The following GAN variants were observed in gnomAD, a reference collection of about 807,000 sequenced individuals.
The protein encoded by GAN is epididymis secretory sperm binding protein.
GAN carries 48 observed loss-of-function variants against 71.3 expected under a neutral mutation model. The ratio of observed to expected loss-of-function variants is 0.67; its 90% confidence interval spans 0.53 to 0.86. The LOEUF is 0.86. GAN is among the 40% of genes least tolerant of loss of function. The pLI is 0.00. For synonymous variants in GAN, 386 were observed against 276.8 expected (o/e 1.39, Z -3.92); for missense variants, 928 against 770.1 (o/e 1.21, Z -2.43).
chr16:81,371,744 C>T (rs1022677851), intron 9 of GAN: 3 of 152,182 alleles, frequency 2.0e-5, no homozygotes, highest in Non-Finnish European at 2.9e-5. Context: ...CATATTTTCT[C>T]TAGGGGTTTA....
At chr16:81,377,106 T>C in intron 9 of GAN, 113 bp from the exon 10 acceptor site, 3 of 790,266 alleles carry the variant, frequency 3.8e-6, no homozygotes, top group South Asian at 2.7e-5. Flanking sequence ...GGGTCGAGAT[T>C]GGCACAGTGC....
intron 1 of GAN, among the ~76,000 whole-genome samples, chr16:81,322,933 G>A (rs1005010811): frequency 2.6e-5 from 4 of 152,162 alleles, no homozygotes; most frequent in African/African-American, 9.6e-5. Flanking sequence ...CACTAGAAAT[G>A]AAGCCAGAAG....
rs1269088150 is a variant in GAN at position 81,389,110 on chromosome 16, C to T, written c.*11514C>T. On this transcript the variant is annotated 3_prime_UTR_variant, in exon 11 of 11. Coordinates refer to ENST00000648994, the MANE Select transcript of GAN (RefSeq NM_022041.4). ...ATCGTACCTCAAAATTCAGGCTCTC[C>T]ATGAAAACAAAGATAATCTGAATAA... The T allele has an allele frequency of 6.6e-6, 1 of 152,118 alleles. No homozygotes were observed. Among genetic ancestry groups the T allele is most frequent in the Non-Finnish European group, 1.5e-5 (1 of 68,032 alleles). The allele number at this position is 152,118 out of a possible 1,614,324, so 9.4% of individuals were successfully genotyped here. A position where few individuals can be genotyped will look rare whatever the true frequency, so the allele number is the denominator to read the frequency against.
Position 81,354,241 on chromosome 16 carries a change from GA to G in GAN, c.283-149del, listed in dbSNP as rs5818329. On this transcript the variant is annotated intron_variant, in intron 2 of 10. Coordinates refer to ENST00000648994, the MANE Select transcript of GAN (RefSeq NM_022041.4). ...TTATGTTGGTGCCTTCCAACTCTTG[GA>G]AAAAAAAAAAAAAATGCTGGGTTAA... Among the ~76,000 whole-genome samples, 87,448 of 144,748 alleles carry G rather than the reference GA, an allele frequency of 0.6. 25,881 individuals are homozygous for G. The highest frequency in any genetic ancestry group is 0.71 in the African/African-American group (28,056 of 39,710). 95.0% of individuals were successfully genotyped at this position (144,748 alleles called of 152,430 possible).
Position 81,362,605 on chromosome 16 carries a change from G to A in GAN, c.1080G>A (p.Met360Ile), listed in dbSNP as rs771038275. The A allele has an allele frequency of 2.0e-6, 3 of 1,495,270 alleles. No individual in the cohort carries two copies. The highest frequency in any genetic ancestry group is 3.3e-5 in the Admixed American group (2 of 59,854). 92.6% of individuals were successfully genotyped at this position (1,495,270 alleles called of 1,614,324 possible). A position where few individuals can be genotyped will look rare whatever the true frequency, so the allele number is the denominator to read the frequency against. ...DANTWTALPP[M>I]NEARHNFGIV... is the part of the protein sequence containing the mutation. ...ATACATGGACAGCATTGCCACCTAT[G>A]AACGAGGTAAAACACTAGTTGGTTG... The change falls in exon 6 of 11, where the codon ATG becomes ATA. Residue 360 changes from methionine (M) to isoleucine (I), a missense_variant. Coordinates refer to ENST00000648994, the MANE Select transcript of GAN (RefSeq NM_022041.4).
chr16:81,360,316 G>C (rs965923104), intron 5 of GAN, among the ~76,000 whole-genome samples: 5 of 152,128 alleles, frequency 3.3e-5, no homozygotes, highest in Non-Finnish European at 7.3e-5. Flanking sequence ...CATTCGTAAA[G>C]GATATTTTTG....
At chr16:81,329,360 A>T (rs1226182527) in intron 1 of GAN, among the ~76,000 whole-genome samples, 1 of 152,140 alleles carries the variant, frequency 6.6e-6, no homozygotes, top group Admixed American at 6.5e-5. Context: ...CCGCCCTCAA[A>T]TGTGGCCAAA....
At chr16:81,367,411 C>A (rs1457575661) in intron 9 of GAN, among the ~76,000 whole-genome samples, 1 of 151,976 alleles carries the variant, frequency 6.6e-6, no homozygotes, top group Non-Finnish European at 1.5e-5. Flanking sequence ...TGTCTGTAGT[C>A]CTGGCTGCTC....
chr16:81,347,675 A>G (rs1445144665), intron 1 of GAN, among the ~76,000 whole-genome samples: 1 of 152,200 alleles, frequency 6.6e-6, no homozygotes, highest in South Asian at 2.1e-4. Flanking sequence ...ATAAAAATCT[A>G]GGTCTGAAAT....
Position 81,379,281 on chromosome 16 carries a change from A to T in GAN, c.*1685A>T, listed in dbSNP as rs573079699. 6.6e-6 allele frequency: 1 copy of T among 152,192 alleles called. No homozygotes were observed. Among genetic ancestry groups the T allele is most frequent in the South Asian group, 2.1e-4 (1 of 4,830 alleles). The allele number at this position is 152,192 out of a possible 1,614,324, so 9.4% of individuals were successfully genotyped here. On this transcript the variant is annotated 3_prime_UTR_variant, in exon 11 of 11. Transcript: ENST00000648994. ...CTTATACCTGCTGGAAGTCAGTACA[A>T]TGCGTCAAAAGTTGCTGAAAGATGC... is the stretch of plus-strand genomic sequence containing the variant.
chr16:81,349,862 A>G (rs911034111), intron 1 of GAN, among the ~76,000 whole-genome samples: 38 of 152,352 alleles, frequency 2.5e-4, no homozygotes, highest in Middle Eastern at 3.4e-3. Flanking sequence ...GTTGTTAGGT[A>G]GCAGGTAACA....
intron 1 of GAN, among the ~76,000 whole-genome samples, chr16:81,336,929 A>G (rs1909783925): frequency 6.6e-6 from 1 of 151,796 alleles, no homozygotes; most frequent in Admixed American, 6.6e-5. Context: ...TCCTGAACCT[A>G]CATTGGCACA....
intron 1 of GAN, among the ~76,000 whole-genome samples, chr16:81,324,592 C>T (rs571050648): frequency 5.3e-5 from 8 of 152,100 alleles, no homozygotes; most frequent in Non-Finnish European, 8.8e-5. Context: ...GGCCTGTGAT[C>T]CCTGAGTTAG....
rs755653925 is a variant in GAN at position 81,315,753 on chromosome 16, CG to C, written c.167+478del. On this transcript the variant is annotated intron_variant, in intron 1 of 10. Coordinates refer to ENST00000648994, the MANE Select transcript of GAN (RefSeq NM_022041.4). ...AGTCGCTCGCCTCTGAATCCACGCG[CG>C]GGGGCTGGGCCGGCGCCGCCAACCA... Among the ~76,000 whole-genome samples the C allele has an allele frequency of 2.0e-4, 31 of 152,368 alleles. No homozygotes were observed. The East Asian group carries it at 6.0e-3, about 29-fold the overall frequency.
chr16:81,339,288 A>T (rs1454809685), intron 1 of GAN, among the ~76,000 whole-genome samples: 1 of 152,204 alleles, frequency 6.6e-6, no homozygotes, highest in Admixed American at 6.5e-5. Flanking sequence ...TGAGCATTAA[A>T]GTTTGAGAAG....
Position 81,354,489 on chromosome 16 carries a change from G to C in GAN, c.367G>C (p.Glu123Gln). The change falls in exon 3 of 11, where the codon GAG (glutamate) becomes CAG (glutamine). Residue 123 changes from glutamate to glutamine, a missense_variant. By Grantham distance (29) the Glu-to-Gln change is conservative. Transcript: ENST00000648994. ...GACGGACCTTAAAACCCTGTGCTGT[G>C]AGTTTTTGGAAGGCTGCATTGCTGC... Reference protein sequence around the residue: ...LLTDLKTLCCEFLEGCIAAEN... With the variant: ...LLTDLKTLCCQFLEGCIAAEN... 1 of 1,614,156 alleles carries C rather than the reference G, an allele frequency of 6.2e-7. No homozygotes were observed. The highest frequency in any genetic ancestry group is 1.3e-5 in the African/African-American group (1 of 75,048).
chr16:81,347,318 A>G (rs1346033357), intron 1 of GAN, among the ~76,000 whole-genome samples: 1 of 152,208 alleles, frequency 6.6e-6, no homozygotes, highest in Non-Finnish European at 1.5e-5. Flanking sequence ...AGTTGTCTAA[A>G]TACCCTCTGT....
At chr16:81,340,769 A>G (rs1167433449) in intron 1 of GAN, among the ~76,000 whole-genome samples, 1 of 151,992 alleles carries the variant, frequency 6.6e-6, no homozygotes, top group African/African-American at 2.4e-5. Flanking sequence ...CAGCAAGGGA[A>G]CAAAACTGGA....
At chr16:81,332,391 C>T (rs879285912) in intron 1 of GAN, among the ~76,000 whole-genome samples, 6 of 152,200 alleles carry the variant, frequency 3.9e-5, no homozygotes, top group Non-Finnish European at 8.8e-5. Context: ...GCTTTCTACA[C>T]TGGTCCTTGA....
Sources: allele counts gnomAD v4.1 joint callset (sites outside exome capture counted in the v4.1 genomes callset), GRCh38; gene constraint gnomAD v4.1.1; transcripts MANE v1.5; gene names NCBI Gene and HGNC (gene_info 2026-07-23, HGNC 2026-07-21).